Variants in SPAG16 observed in about 807,000 individuals in gnomAD.
The protein encoded by SPAG16 is sperm-associated antigen 16 protein.
A neutral mutation model predicts 80.4 loss-of-function variants in SPAG16; 86 were observed. That is an observed-to-expected ratio of 1.07 (90% CI 0.90 to 1.28). The LOEUF (loss-of-function observed/expected upper bound fraction) is 1.28, where lower values mean the gene tolerates loss of function less well. Among genes scored for constraint, SPAG16 ranks in the 50% most tolerant of loss-of-function variants. The probability of loss-of-function intolerance (pLI) is 0.00; values close to 1 mark genes in which losing one functional copy is unlikely to be tolerated. For missense variants in SPAG16, 870 were observed against 765.3 expected, an observed-to-expected ratio of 1.14 and a Z score of -1.61; for synonymous variants, 294 against 265.9, an observed-to-expected ratio of 1.11 and a Z score of -1.03.
rs564080317 is a variant in SPAG16 at position 214,333,376 on chromosome 2, C to T, written c.1721-76764C>T. On this transcript the variant is annotated intron_variant, in intron 15 of 15. Transcript: ENST00000331683. ...TGTTCTGCATGTCATGCCACCCTGG[C>T]TACCCACTCTAATCTTTCCACTCGT... is the stretch of plus-strand genomic sequence containing the variant. 2.0e-5 allele frequency among the ~76,000 whole-genome samples: 3 copies of T among 152,346 alleles called. No homozygotes were observed. The East Asian group carries it at 5.8e-4, about 29-fold the overall frequency.
intron 13 of SPAG16, among the ~76,000 whole-genome samples, chr2:214,085,988 A>G (rs1293058502): frequency 6.6e-6 from 1 of 152,228 alleles, no homozygotes; most frequent in Non-Finnish European, 1.5e-5. Context: ...ATCCTTAAAA[A>G]TTGATTTTAA....
intron 10 of SPAG16, among the ~76,000 whole-genome samples, chr2:213,505,454 T>A (rs576834387): frequency 1.9e-4 from 29 of 152,276 alleles, no homozygotes; most frequent in African/African-American, 6.7e-4. Context: ...AAAGGTTGTG[T>A]TGTTATAATA....
intron 10 of SPAG16, among the ~76,000 whole-genome samples, chr2:213,826,278 A>T (rs551614866): frequency 1.3e-5 from 2 of 149,910 alleles, no homozygotes; most frequent in Admixed American, 1.3e-4. Flanking sequence ...TATTTATTTT[A>T]TTATTCTAAC....
rs750419910 is a variant in SPAG16 at position 213,930,030 on chromosome 2, A to T, written c.1285A>T (p.Ile429Phe). 6.2e-7 allele frequency: 1 copy of T among 1,614,144 alleles called. No homozygotes were observed. The highest frequency in any genetic ancestry group is 2.2e-5 in the East Asian group (1 of 44,878). Residue 429 changes from isoleucine (I) to phenylalanine (F), a missense_variant, in exon 12 of 16, where the codon ATT becomes TTT. By Grantham distance (21) the Ile-to-Phe change is conservative. Transcript: ENST00000331683. ...ATGGGATCTATGTAAAGGCGATTGC[A>T]TTTTGACCTTTGAAGGACACAGCCG... is the stretch of plus-strand genomic sequence containing the variant. Reference protein sequence around the residue: ...KLWDLCKGDCILTFEGHSRAV... With the variant: ...KLWDLCKGDCFLTFEGHSRAV...
At chr2:213,574,670 T>TATATATGATATATGATATATATATG (rs1559269867) in intron 10 of SPAG16, among the ~76,000 whole-genome samples, 16 of 148,304 alleles carry the variant, frequency 1.1e-4, no homozygotes, top group East Asian at 5.9e-4. Flanking sequence ...ATATATGATA[T>TATATATGATATATGATATATATATG]ATATATGATA....
At chr2:214,188,370 A>G (rs2057546398) in intron 15 of SPAG16, among the ~76,000 whole-genome samples, 1 of 152,318 alleles carries the variant, frequency 6.6e-6, no homozygotes, top group Non-Finnish European at 1.5e-5. Flanking sequence ...CAAGCACTGT[A>G]TTACAAAGTA....
chr2:213,515,165 GTA>G (rs61428891), intron 10 of SPAG16, among the ~76,000 whole-genome samples: 1 of 151,258 alleles, frequency 6.6e-6, no homozygotes. Flanking sequence ...TAGTACGTAT[GTA>G]TATATATATA....
chr2:213,758,156 C>T (rs566901280), intron 10 of SPAG16: 1 of 152,404 alleles, frequency 6.6e-6, no homozygotes, highest in African/African-American at 2.4e-5. Context: ...TAAGTTTACA[C>T]TTCAGACTGA....
intron 10 of SPAG16, among the ~76,000 whole-genome samples, chr2:213,648,235 T>G (rs2062893571): frequency 6.6e-6 from 1 of 152,178 alleles, no homozygotes; most frequent in African/African-American, 2.4e-5. Context: ...CAGAGCAGGT[T>G]TGAGAATAAT....
chr2:214,116,964 A>G (rs1036343310), intron 14 of SPAG16, among the ~76,000 whole-genome samples: 3 of 152,220 alleles, frequency 2.0e-5, no homozygotes, highest in African/African-American at 4.8e-5. Context: ...CATGTCCACT[A>G]TTATCAGTAA....
At chr2:214,104,524 G>A (rs916787387) in intron 13 of SPAG16, among the ~76,000 whole-genome samples, 3 of 152,044 alleles carry the variant, frequency 2.0e-5, no homozygotes, top group African/African-American at 7.2e-5. Flanking sequence ...GGGCAGAGTA[G>A]GGCTGTATTT....
intron 2 of SPAG16, among the ~76,000 whole-genome samples, chr2:213,296,718 G>C (rs146367278): frequency 1.3e-5 from 2 of 152,292 alleles, no homozygotes; most frequent in East Asian, 3.9e-4. Context: ...GTAAAATGGA[G>C]ATTATGTGTA....
chr2:213,496,729 C>T (rs976505786), intron 10 of SPAG16, among the ~76,000 whole-genome samples: 2 of 150,228 alleles, frequency 1.3e-5, no homozygotes, highest in African/African-American at 2.4e-5. Context: ...ATATATAATG[C>T]TTAAGTACTT....
intron 11 of SPAG16, among the ~76,000 whole-genome samples, chr2:213,915,127 C>T (rs1056414691): frequency 7.1e-6 from 1 of 140,072 alleles, no homozygotes; most frequent in African/African-American, 2.5e-5. Context: ...CTCCCCCCAC[C>T]TCTTTTTTTT....
chr2:214,099,426 T>C (rs2052837377), intron 13 of SPAG16, among the ~76,000 whole-genome samples: 1 of 152,104 alleles, frequency 6.6e-6, no homozygotes, highest in Non-Finnish European at 1.5e-5. Context: ...ATACACAAAG[T>C]ACTTAGTAAA....
Position 213,375,002 on chromosome 2 carries a change from T to C in SPAG16, c.833-8T>C. 1 of 1,572,244 alleles carries C rather than the reference T, an allele frequency of 6.4e-7. No homozygotes were observed. On this transcript the variant is annotated splice_polypyrimidine_tract_variant and splice_region_variant and intron_variant, in intron 8 of 15. Coordinates refer to ENST00000331683, the MANE Select transcript of SPAG16 (RefSeq NM_024532.5). ...CAAATATTAAGAATAAATTATATTA[T>C]CTTGTAGTTGATCATAGTCGTGAAA...
chr2:214,099,854 C>T (rs2052876715), intron 13 of SPAG16, among the ~76,000 whole-genome samples: 1 of 152,026 alleles, frequency 6.6e-6, no homozygotes, highest in Admixed American at 6.6e-5. Context: ...TTTCATATCG[C>T]AATCTGAATA....
intron 10 of SPAG16, among the ~76,000 whole-genome samples, chr2:213,716,499 A>G (rs2125377530): frequency 6.6e-6 from 1 of 152,350 alleles, no homozygotes; most frequent in South Asian, 2.1e-4. Context: ...TTAAACCAAG[A>G]TAGAGAGTAA....
At chr2:213,669,306 G>A (rs1574727029) in intron 10 of SPAG16, among the ~76,000 whole-genome samples, 2 of 152,260 alleles carry the variant, frequency 1.3e-5, no homozygotes, top group South Asian at 4.1e-4. Flanking sequence ...TAGAGTTTGA[G>A]CCTTGGGATA....
Sources: allele counts gnomAD v4.1 joint callset (sites outside exome capture counted in the v4.1 genomes callset), GRCh38; gene constraint gnomAD v4.1.1; transcripts MANE v1.5; gene names NCBI Gene and HGNC (gene_info 2026-07-23, HGNC 2026-07-21).